QTGAL: variants seen among roughly 807,000 people sequenced by gnomAD.
QTGAL encodes BGnT-like protein 1.
chr17:82,959,007 GTGT>G, the QTGAL span, among the ~76,000 whole-genome samples: 1 of 49,846 alleles, frequency 2.0e-5, no homozygotes, highest in African/African-American at 9.7e-5. Context: ...TGTGTATACT[GTGT>G]GGGGGTGTAT....
At chr17:83,039,228 G>A in the QTGAL span, among the ~76,000 whole-genome samples, 19,800 of 116,948 alleles carry the variant, frequency 0.17, 2,110 homozygotes, top group Non-Finnish European at 0.21. Flanking sequence ...GCCCGCCCCT[G>A]TTCTAGACAC....
chr17:83,017,189 A>AG, the QTGAL span, among the ~76,000 whole-genome samples: 1 of 149,818 alleles, frequency 6.7e-6, no homozygotes, highest in African/African-American at 2.5e-5. Flanking sequence ...GAGGCCAGGA[A>AG]GGGCAGTGGC....
At chr17:83,025,166 GGAGTCCACACACGGACACCGCGGA>G in the QTGAL span, among the ~76,000 whole-genome samples, 7 of 95,986 alleles carry the variant, frequency 7.3e-5, 1 homozygote, top group Non-Finnish European at 1.3e-4. Context: ...CAGACACCGC[GGAGTCCACACACGGACACCGCGGA>G]GAGTCCACAC....
the QTGAL span, among the ~76,000 whole-genome samples, chr17:83,001,852 C>T: frequency 2.0e-5 from 3 of 152,284 alleles, no homozygotes; most frequent in African/African-American, 7.2e-5. Context: ...TCATGGTGGC[C>T]TTGACCTCCT....
the QTGAL span, among the ~76,000 whole-genome samples, chr17:82,971,333 T>C: frequency 1.3e-5 from 2 of 152,104 alleles, no homozygotes; most frequent in East Asian, 1.9e-4. Context: ...GGACACGGGC[T>C]CCGCCAGCTC....
At chr17:83,028,709 T>A in the QTGAL span, among the ~76,000 whole-genome samples, 8 of 152,162 alleles carry the variant, frequency 5.3e-5, no homozygotes, top group African/African-American at 1.2e-4. Context: ...GCCGGAAAAC[T>A]GTTCAGCAGG....
the QTGAL span, among the ~76,000 whole-genome samples, chr17:83,020,673 G>C: frequency 6.6e-6 from 1 of 152,098 alleles, no homozygotes; most frequent in Non-Finnish European, 1.5e-5. Flanking sequence ...TGGCCATCCC[G>C]ACCATCCGGT....
the QTGAL span, among the ~76,000 whole-genome samples, chr17:82,951,936 T>G: frequency 6.6e-6 from 1 of 150,432 alleles, no homozygotes; most frequent in Non-Finnish European, 1.5e-5. Flanking sequence ...ACAGTAACAG[T>G]TTGACATATT....
chr17:83,013,713 G>A, the QTGAL span, among the ~76,000 whole-genome samples: 2 of 152,088 alleles, frequency 1.3e-5, no homozygotes, highest in Non-Finnish European at 2.9e-5. Flanking sequence ...CCCGCGGGGG[G>A]AGGGCAGAGG....
At chr17:83,030,194 G>A in the QTGAL span, among the ~76,000 whole-genome samples, 1 of 152,148 alleles carries the variant, frequency 6.6e-6, no homozygotes, top group Non-Finnish European at 1.5e-5. Flanking sequence ...AAACACAACT[G>A]AATAATAACT....
chr17:83,031,090 G>C, the QTGAL span, among the ~76,000 whole-genome samples: 1 of 152,234 alleles, frequency 6.6e-6, no homozygotes, highest in Non-Finnish European at 1.5e-5. Context: ...TTCTTTAAAA[G>C]CCAGGCTTCT....
the QTGAL span, among the ~76,000 whole-genome samples, chr17:82,952,100 T>C: frequency 6.6e-6 from 1 of 152,232 alleles, no homozygotes; most frequent in African/African-American, 2.4e-5. Context: ...GGTGCGCCAG[T>C]AGTTGCCAGA....
the QTGAL span, chr17:83,048,438 T>C: frequency 6.5e-7 from 1 of 1,543,838 alleles, no homozygotes; most frequent in Non-Finnish European, 9.0e-7. Context: ...AAACCACGAA[T>C]TATAGTTTAA....
At chr17:82,987,022 T>C in the QTGAL span, among the ~76,000 whole-genome samples, 59,901 of 152,080 alleles carry the variant, frequency 0.39, 12,384 homozygotes, top group African/African-American at 0.51. Flanking sequence ...TGACACAGTC[T>C]CGAACACCAT....
At chr17:83,043,455 A>G in the QTGAL span, among the ~76,000 whole-genome samples, 1 of 152,238 alleles carries the variant, frequency 6.6e-6, no homozygotes, top group East Asian at 1.9e-4. Flanking sequence ...AAGGCTAATT[A>G]GAATATACTC....
the QTGAL span, chr17:83,048,989 G>GA: frequency 0.14 from 73,932 of 520,568 alleles, 3,904 homozygotes; most frequent in South Asian, 0.21. Flanking sequence ...TTTTGAAAGT[G>GA]AAAAAAAAAC....
At chr17:83,032,155 G>A in the QTGAL span, among the ~76,000 whole-genome samples, 5 of 140,556 alleles carry the variant, frequency 3.6e-5, no homozygotes, top group African/African-American at 1.1e-4. Context: ...ACCAGGCCAG[G>A]CCTCCGACGC....
the QTGAL span, among the ~76,000 whole-genome samples, chr17:82,951,546 C>T: frequency 6.6e-6 from 1 of 152,186 alleles, no homozygotes; most frequent in Non-Finnish European, 1.5e-5. Context: ...CACTGGAGGA[C>T]CACTTTTAAT....
At chr17:83,048,997 A>G in the QTGAL span, 1 of 555,070 alleles carries the variant, frequency 1.8e-6, no homozygotes, top group Non-Finnish European at 3.2e-6. Context: ...GTGAAAAAAA[A>G]ACTGAAAGGA....
Sources: allele counts gnomAD v4.1 joint callset (sites outside exome capture counted in the v4.1 genomes callset), GRCh38; gene constraint gnomAD v4.1.1; transcripts MANE v1.5; gene names NCBI Gene and HGNC (gene_info 2026-07-23, HGNC 2026-07-21).